Variants in GPR158 observed in about 807,000 individuals in gnomAD.
GPR158 encodes metabotropic glycine receptor.
GPR158 carries 30 observed loss-of-function variants against 78.2 expected under a neutral mutation model. The ratio of observed to expected loss-of-function variants is 0.38; its 90% CI spans 0.29 to 0.52. The LOEUF (loss-of-function observed/expected upper bound fraction) is 0.52. Ranked by LOEUF, GPR158 falls within the 20% of genes least tolerant of loss-of-function variation. The pLI is 0.83. For synonymous variants in GPR158, 581 were observed against 591.1 expected (o/e 0.98, Z 0.25); for missense variants, 1,463 against 1,523.5 (o/e 0.96, Z 0.66).
At chr10:25,494,320 A>G (rs16925963) in intron 5 of GPR158, among the ~76,000 whole-genome samples, 11,624 of 152,200 alleles carry the variant, frequency 0.076, 1,337 homozygotes, top group African/African-American at 0.25. Context: ...TAGTATCTTA[A>G]TGGATATTAA....
chr10:25,470,159 T>C (rs904598657), intron 5 of GPR158, among the ~76,000 whole-genome samples: 3 of 126,420 alleles, frequency 2.4e-5, no homozygotes, highest in African/African-American at 9.3e-5. Context: ...GTGTTCTTTA[T>C]TCAGGTCTCG....
chr10:25,352,952 A>G (rs1490078698), intron 2 of GPR158, among the ~76,000 whole-genome samples: 1 of 152,068 alleles, frequency 6.6e-6, no homozygotes, highest in African/African-American at 2.4e-5. Context: ...AATAAATGAC[A>G]TATGCAGTGC....
Position 25,587,435 on chromosome 10 carries a change from A to AT in GPR158, c.1754-1570dup, listed in dbSNP as rs556596831. On this transcript the variant is annotated intron_variant, in intron 7 of 10. Coordinates refer to ENST00000376351, the MANE Select transcript of GPR158 (RefSeq NM_020752.3). The stretch of plus-strand genomic sequence containing the variant: ...GATAGCGGCTTAGGCAAAGATTGTT[A>AT]TTGTGGGCATTGAGAGAATTAATAC... Among the ~76,000 whole-genome samples, 469 of 152,346 alleles carry AT rather than the reference A, an allele frequency of 3.1e-3. 4 individuals carry two copies. The highest frequency in any genetic ancestry group is 0.011 in the African/African-American group (445 of 41,584).
intron 2 of GPR158, among the ~76,000 whole-genome samples, chr10:25,250,492 C>G (rs1853778357): frequency 6.8e-6 from 1 of 146,560 alleles, no homozygotes; most frequent in South Asian, 2.2e-4. Context: ...GAATGTGTCC[C>G]AGAGATTCTG....
At chr10:25,507,616 G>A (rs1836030409) in intron 5 of GPR158, among the ~76,000 whole-genome samples, 3 of 152,178 alleles carry the variant, frequency 2.0e-5, no homozygotes, top group South Asian at 2.1e-4. Context: ...ATATCACAAA[G>A]GAAGAAAAGA....
intron 2 of GPR158, among the ~76,000 whole-genome samples, chr10:25,253,035 G>C (rs1014194344): frequency 2.6e-5 from 4 of 152,028 alleles, no homozygotes; most frequent in Non-Finnish European, 4.4e-5. Context: ...TTCTTAAGCC[G>C]GTCTGAAAAG....
intron 7 of GPR158, among the ~76,000 whole-genome samples, chr10:25,582,927 T>C (rs934724828): frequency 6.6e-6 from 1 of 152,146 alleles, no homozygotes; most frequent in Non-Finnish European, 1.5e-5. Flanking sequence ...ATACAAACAA[T>C]TGCTGCCTGG....
chr10:25,494,967 C>T (rs916028632), intron 5 of GPR158, among the ~76,000 whole-genome samples: 1 of 151,830 alleles, frequency 6.6e-6, no homozygotes, highest in Non-Finnish European at 1.5e-5. Context: ...AGCACACGTC[C>T]CATATTCCAT....
intron 5 of GPR158, among the ~76,000 whole-genome samples, chr10:25,479,269 T>G (rs1835630617): frequency 6.6e-6 from 1 of 152,158 alleles, no homozygotes; most frequent in Non-Finnish European, 1.5e-5. Flanking sequence ...AGCTATATGT[T>G]TCAACTTTAG....
chr10:25,537,627 C>G (rs1216299855), intron 5 of GPR158, among the ~76,000 whole-genome samples: 1 of 152,078 alleles, frequency 6.6e-6, no homozygotes, highest in Non-Finnish European at 1.5e-5. Context: ...AGGATTTGAA[C>G]TGGAGCTTAA....
intron 5 of GPR158, among the ~76,000 whole-genome samples, chr10:25,525,433 ATAT>A (rs1418615775): frequency 6.6e-6 from 1 of 152,224 alleles, no homozygotes; most frequent in Non-Finnish European, 1.5e-5. Context: ...ATACAGTGGA[ATAT>A]TATTAATAAA....
rs373523287 is a variant in GPR158, at chr10:25,214,099, A to G, written c.903-6953A>G. ...AAGCTCTGCCTCCTGGGTTCACGCC[A>G]TTCTCCTGCCTCAGCTTCCCGAGTA... On this transcript the variant is annotated intron_variant, in intron 1 of 10. Coordinates refer to ENST00000376351, the MANE Select transcript of GPR158 (RefSeq NM_020752.3). Among the ~76,000 whole-genome samples, 181 of 152,098 alleles carry G rather than the reference A, an allele frequency of 1.2e-3. 1 individual carries two copies. The highest frequency in any genetic ancestry group is 9.5e-3 in the South Asian group (46 of 4,822).
At position 25,449,790 on chromosome 10, in the gene GPR158, G is replaced by A. The variant is rs112764149; in HGVS notation, c.1336-16861G>A. ...TGGATATGCTAATTAGCTTGATTTA[G>A]CCCTTCCTCAATGTATACAGATATC... On this transcript the variant is annotated intron_variant, in intron 4 of 10. Coordinates refer to ENST00000376351, the MANE Select transcript of GPR158 (RefSeq NM_020752.3). 3.4e-3 allele frequency among the ~76,000 whole-genome samples: 513 copies of A among 152,160 alleles called. 1 individual carries two copies. The highest frequency in any genetic ancestry group is 0.01 in the African/African-American group (434 of 41,510).
intron 4 of GPR158, among the ~76,000 whole-genome samples, chr10:25,457,500 T>C (rs1486481241): frequency 6.6e-6 from 1 of 151,952 alleles, no homozygotes; most frequent in African/African-American, 2.4e-5. Context: ...TATGTAGTAG[T>C]ATTGGAAGAA....
At chr10:25,270,723 G>A (rs974574566) in intron 2 of GPR158, among the ~76,000 whole-genome samples, 5 of 152,058 alleles carry the variant, frequency 3.3e-5, no homozygotes, top group Admixed American at 6.6e-5. Context: ...CCTTATCGAA[G>A]TCCCATTGAT....
At chr10:25,389,669 G>A (rs1252852163) in intron 2 of GPR158, among the ~76,000 whole-genome samples, 1 of 152,146 alleles carries the variant, frequency 6.6e-6, no homozygotes, top group Non-Finnish European at 1.5e-5. Context: ...CCCCTTGCAT[G>A]CCATATTGTG....
chr10:25,253,286 C>T (rs1039627088), intron 2 of GPR158, among the ~76,000 whole-genome samples: 5 of 152,146 alleles, frequency 3.3e-5, no homozygotes, highest in African/African-American at 9.6e-5. Flanking sequence ...GCGTCGGTCA[C>T]GCTGGGAGCT....
At chr10:25,564,403 A>G (rs536445546) in intron 6 of GPR158, among the ~76,000 whole-genome samples, 1 of 152,148 alleles carries the variant, frequency 6.6e-6, no homozygotes, top group South Asian at 2.1e-4. Flanking sequence ...TTTCTTCCCA[A>G]TCTTTTTGTT....
chr10:25,398,295 G>C (rs1834394521), intron 3 of GPR158, among the ~76,000 whole-genome samples: 1 of 152,166 alleles, frequency 6.6e-6, no homozygotes, highest in African/African-American at 2.4e-5. Context: ...ATATACAATA[G>C]CAATCCTGGT....
Sources: allele counts gnomAD v4.1 joint callset (sites outside exome capture counted in the v4.1 genomes callset), GRCh38; gene constraint gnomAD v4.1.1; transcripts MANE v1.5; gene names NCBI Gene and HGNC (gene_info 2026-07-23, HGNC 2026-07-21).